SUGCT: variants seen among roughly 807,000 people sequenced by gnomAD.
The protein encoded by SUGCT is succinyl-CoA:glutarate-CoA transferase.
Under a neutral mutation model 55.0 loss-of-function variants are expected in SUGCT, and 41 were observed. The observed-to-expected ratio is 0.74, with a 90% CI of 0.58 to 0.97. The LOEUF (loss-of-function observed/expected upper bound fraction) is 0.97. Ranked by LOEUF, SUGCT falls within the 50% of genes least tolerant of loss-of-function variation. SUGCT has a pLI of 0.00. For missense variants in SUGCT, 568 were observed against 547.8 expected (o/e 1.04, Z -0.37); for synonymous variants, 187 against 200.4 (o/e 0.93, Z 0.56).
chr7:40,426,335 C>T (rs560215514), intron 9 of SUGCT, among the ~76,000 whole-genome samples: 68 of 152,250 alleles, frequency 4.5e-4, no homozygotes, highest in African/African-American at 1.6e-3. Context: ...TGCGTGTCAG[C>T]TGGATATATC....
chr7:40,409,399 A>G (rs896234922), intron 9 of SUGCT, among the ~76,000 whole-genome samples: 1 of 152,046 alleles, frequency 6.6e-6, no homozygotes, highest in African/African-American at 2.4e-5. Context: ...AGTAGGGACT[A>G]CAGGTGTGCA....
intron 12 of SUGCT, among the ~76,000 whole-genome samples, chr7:40,567,038 G>A (rs1009973321): frequency 1.3e-5 from 2 of 152,188 alleles, no homozygotes; most frequent in South Asian, 2.1e-4. Context: ...AAAAGGTCAC[G>A]AAAGGAAACA....
chr7:40,690,496 AACT>A (rs1784646621), intron 12 of SUGCT, among the ~76,000 whole-genome samples: 1 of 152,172 alleles, frequency 6.6e-6, no homozygotes, highest in South Asian at 2.1e-4. Flanking sequence ...ATTATTTAAA[AACT>A]ACTTTCTCAT....
chr7:40,260,357 G>T (rs907267914), intron 7 of SUGCT, among the ~76,000 whole-genome samples: 1 of 152,140 alleles, frequency 6.6e-6, no homozygotes, highest in Non-Finnish European at 1.5e-5. Context: ...CATAGAGTTG[G>T]TGCTTATTAT....
chr7:40,308,603 C>T (rs1333286715), intron 8 of SUGCT, among the ~76,000 whole-genome samples: 1 of 152,172 alleles, frequency 6.6e-6, no homozygotes, highest in Non-Finnish European at 1.5e-5. Context: ...TCTTGTACTA[C>T]TGTCTCTTTT....
chr7:40,768,222 A>G (rs192401072), intron 13 of SUGCT, among the ~76,000 whole-genome samples: 1 of 152,238 alleles, frequency 6.6e-6, no homozygotes, highest in East Asian at 1.9e-4. Flanking sequence ...CAGGGGCCTC[A>G]GGCTGCTTCA....
chr7:40,562,662 G>GT (rs1795904587), intron 12 of SUGCT, among the ~76,000 whole-genome samples: 1 of 152,150 alleles, frequency 6.6e-6, no homozygotes, highest in East Asian at 1.9e-4. Context: ...GGAGATGATG[G>GT]TAAGGGCCTG....
At chr7:40,294,207 C>G (rs1169991534) in intron 8 of SUGCT, among the ~76,000 whole-genome samples, 3 of 152,166 alleles carry the variant, frequency 2.0e-5, no homozygotes, top group Non-Finnish European at 2.9e-5. Flanking sequence ...GCCTCAGCCT[C>G]CCAAAGTGCT....
At chr7:40,635,302 A>G (rs1799975869) in intron 12 of SUGCT, among the ~76,000 whole-genome samples, 3 of 152,090 alleles carry the variant, frequency 2.0e-5, no homozygotes, top group African/African-American at 7.2e-5. Flanking sequence ...AGAAAAAAAC[A>G]AAAAACAAAA....
At chr7:40,647,820 CA>C (rs1282046608) in intron 12 of SUGCT, among the ~76,000 whole-genome samples, 7 of 147,630 alleles carry the variant, frequency 4.7e-5, no homozygotes, top group African/African-American at 1.5e-4. Flanking sequence ...CACTGCACTC[CA>C]GAAAAAAAAA....
intron 13 of SUGCT, among the ~76,000 whole-genome samples, chr7:40,813,946 G>A (rs1025202078): frequency 1.3e-5 from 2 of 152,238 alleles, no homozygotes; most frequent in South Asian, 2.1e-4. Flanking sequence ...TTGCTTGCCC[G>A]GAAAAGATTT....
At chr7:40,696,048 A>G (rs1338296452) in intron 12 of SUGCT, among the ~76,000 whole-genome samples, 2 of 152,198 alleles carry the variant, frequency 1.3e-5, no homozygotes, top group East Asian at 3.8e-4. Context: ...AACCCATCCT[A>G]CAGTTCTTTT....
chr7:40,732,214 C>T (rs1786926771), intron 12 of SUGCT, among the ~76,000 whole-genome samples: 1 of 152,176 alleles, frequency 6.6e-6, no homozygotes, highest in South Asian at 2.1e-4. Context: ...CATTCCTTGG[C>T]TTGTGGCAGC....
At chr7:40,794,260 T>C (rs1204970083) in intron 13 of SUGCT, among the ~76,000 whole-genome samples, 1 of 152,158 alleles carries the variant, frequency 6.6e-6, no homozygotes, top group Non-Finnish European at 1.5e-5. Context: ...GATAGACACC[T>C]ATGATACTTC....
At chr7:40,936,481 C>T in the SUGCT span, among the ~76,000 whole-genome samples, 4 of 151,688 alleles carry the variant, frequency 2.6e-5, no homozygotes, top group African/African-American at 9.7e-5. Context: ...AGTCTTCTCT[C>T]TTTTATTCTT....
chr7:40,371,971 C>T (rs1048914328), intron 9 of SUGCT, among the ~76,000 whole-genome samples: 2 of 150,626 alleles, frequency 1.3e-5, no homozygotes, highest in Admixed American at 6.6e-5. Context: ...CACACACACA[C>T]ATCTGTATAA....
chr7:40,481,697 G>A (rs1219012383), intron 11 of SUGCT, among the ~76,000 whole-genome samples: 3 of 152,080 alleles, frequency 2.0e-5, no homozygotes, highest in African/African-American at 4.8e-5. Context: ...AGTAATCAGC[G>A]AGATGCCCCC....
chr7:40,292,328 T>C (rs1584593001), intron 8 of SUGCT, among the ~76,000 whole-genome samples: 1 of 152,210 alleles, frequency 6.6e-6, no homozygotes, highest in Non-Finnish European at 1.5e-5. Context: ...CTCTAGAGTC[T>C]GTATTTTTTA....
intron 1 of SUGCT, among the ~76,000 whole-genome samples, chr7:40,139,933 G>A (rs1207117919): frequency 2.7e-5 from 4 of 150,580 alleles, no homozygotes; most frequent in East Asian, 3.9e-4. Context: ...ATGGAGTTTC[G>A]CTTTTGTTGT....
Sources: gnomAD v4.1 joint callset for allele counts (sites outside exome capture counted in the v4.1 genomes callset) on GRCh38, gnomAD v4.1.1 for gene constraint, MANE v1.5 for transcripts, NCBI Gene and HGNC (gene_info 2026-07-23, HGNC 2026-07-21) for gene names.